Variants in HSPA9 observed in about 807,000 individuals in gnomAD.
The protein encoded by HSPA9 is stress-70 protein, mitochondrial.
A neutral mutation model predicts 81.5 loss-of-function variants in HSPA9; 28 were observed. That is an observed-to-expected ratio of 0.34 (90% CI 0.25 to 0.47). The LOEUF is 0.47. HSPA9 is among the 20% of genes least tolerant of loss of function. The pLI is 1.00. For missense variants in HSPA9, 678 were observed against 838.0 expected, an observed-to-expected ratio of 0.81 and a Z score of 2.36; for synonymous variants, 293 against 290.4, an observed-to-expected ratio of 1.01 and a Z score of -0.09.
rs752536151 is a variant in HSPA9, at chr5:138,558,594, C to G, written c.1474G>C (p.Glu492Gln). Residue 492 changes from glutamate (E) to glutamine (Q), a missense_variant, in exon 12 of 17, where the codon GAG becomes CAG. Glu to Gln is a conservative substitution (Grantham distance 29). Around this residue, in one of 4 missense-constraint regions of HSPA9, gnomAD observed 484 missense variants for 647.5 expected, o/e 0.75. Transcript: ENST00000297185. Reference sequence around the variant, plus strand: ...AGGAGTTTGTTGTCTCCAGCCATCTCTCTTTCACCCTGACACACTTTAATT... The same window carrying G: ...AGGAGTTTGTTGTCTCCAGCCATCTGTCTTTCACCCTGACACACTTTAATT... ...VEIKVCQGER[E>Q]MAGDNKLLGQ... 25 of 1,613,766 alleles carry G rather than the reference C, an allele frequency of 1.5e-5. No homozygotes were observed. Among genetic ancestry groups the G allele is most frequent in the Non-Finnish European group, 2.1e-5 (25 of 1,179,774 alleles).
intron 11 of HSPA9, 92 bp downstream of exon 11, chr5:138,559,772 G>T: frequency 1.2e-6 from 1 of 846,596 alleles, no homozygotes; most frequent in African/African-American, 1.7e-5. Flanking sequence ...TAAAAATGAA[G>T]TTTTCTAGAA....
chr5:138,565,591 T>C (rs1236976263), intron 9 of HSPA9, among the ~76,000 whole-genome samples: 1 of 152,214 alleles, frequency 6.6e-6, no homozygotes, highest in African/African-American at 2.4e-5. Context: ...CTATTCTTGG[T>C]GGTGAAGACA....
At chr5:138,561,828 CCAA>C (rs775839771) in intron 9 of HSPA9, 39 bp from the exon 10 acceptor site, 1 of 1,461,444 alleles carries the variant, frequency 6.8e-7, no homozygotes, top group Non-Finnish European at 9.6e-7. Flanking sequence ...AGCGAGCAGG[CCAA>C]ATGACGGTTA....
rs1480992701 is a variant in HSPA9 at position 138,561,858 on chromosome 5, T to C, written c.973-69A>G. On this transcript the variant is annotated intron_variant, in intron 9 of 16. Transcript: ENST00000297185. ...TGACGGTTACATTTATTATTTCAAC[T>C]AAAATATGACCATGCCCTAGGACAG... 3.0e-5 allele frequency: 36 copies of C among 1,211,622 alleles called. No individual in the cohort carries two copies. In the Admixed American group the frequency reaches 6.1e-4, roughly 20 times the overall value. 75.1% of individuals were successfully genotyped at this position (1,211,622 alleles called of 1,614,324 possible). A position where few individuals can be genotyped will look rare whatever the true frequency, so the allele number is the denominator to read the frequency against.
intron 5 of HSPA9, among the ~76,000 whole-genome samples, chr5:138,568,226 G>A (rs1750807838): frequency 6.6e-6 from 1 of 152,002 alleles, no homozygotes; most frequent in Non-Finnish European, 1.5e-5. Flanking sequence ...GCCAGGCACG[G>A]TGGCTCATGC....
In HSPA9 at chr5:138,554,530, A is replaced by C. The variant is rs1030753632; in HGVS notation, c.*1507T>G. On this transcript the variant is annotated 3_prime_UTR_variant, in exon 17 of 17. Transcript: ENST00000297185. ...TTACATGGGTGTTAACAAGCACTGA[A>C]TCTTCCAAAAATGTTGTCTAAATCA... Among the ~76,000 whole-genome samples the C allele has an allele frequency of 6.6e-6, 1 of 152,260 alleles. No individual in the cohort carries two copies. The highest frequency in any genetic ancestry group is 6.5e-5 in the Admixed American group (1 of 15,290).
rs772628480 is a variant in HSPA9, at chr5:138,569,044, T to A, written c.416A>T (p.Asn139Ile). ...GGCACGGACAATTTTAAAGGGAACA[T>A]TTTTACTGTAAGACACAAAAATTCT... ...DDPEVQKDIK[N>I]VPFKIVRASN... Residue 139 changes from asparagine (N) to isoleucine (I), a missense_variant, in exon 5 of 17, where the codon AAT (asparagine) becomes ATT (isoleucine). Around this residue, in one of 4 missense-constraint regions of HSPA9, gnomAD observed 484 missense variants for 647.5 expected, o/e 0.75. Coordinates refer to ENST00000297185, the MANE Select transcript of HSPA9 (RefSeq NM_004134.7). The A allele has an allele frequency of 1.2e-6, 2 of 1,613,642 alleles. No homozygotes were observed. The highest frequency in any genetic ancestry group is 4.5e-5 in the East Asian group (2 of 44,872).
At chr5:138,560,633 T>G (rs908229673) in intron 10 of HSPA9, 1 of 198,634 alleles carries the variant, frequency 5.0e-6, no homozygotes, top group Non-Finnish European at 1.1e-5. Context: ...CAATCTCCAC[T>G]CACCGCAAGC....
rs41295715 is a variant in HSPA9, at chr5:138,568,877, G to T, written c.535+48C>A. The T allele has an allele frequency of 5.3e-3, 8,524 of 1,600,492 alleles. 35 individuals are homozygous for T. Among genetic ancestry groups the T allele is most frequent in the Admixed American group, 0.018 (1,108 of 59,898 alleles). ...GCACAGGGAGCTAGTGATCTCACAG[G>T]AATCATTGTTCTTAGAACTTTCCCA... On this transcript the variant is annotated intron_variant, in intron 5 of 16. Transcript: ENST00000297185.
At chr5:138,568,850 G>C (rs1263502848) in intron 5 of HSPA9, 75 bp downstream of exon 5, 4 of 1,494,814 alleles carry the variant, frequency 2.7e-6, no homozygotes, top group Admixed American at 1.7e-5. Context: ...ACAGGAGCTG[G>C]AGCACAGGGA....
intron 4 of HSPA9, among the ~76,000 whole-genome samples, chr5:138,569,751 TG>T (rs1561861024): frequency 6.6e-6 from 1 of 152,176 alleles, no homozygotes; most frequent in African/African-American, 2.4e-5. Context: ...CACACAGTCT[TG>T]CCTTGTTGGC....
intron 12 of HSPA9, 67 bp downstream of exon 12, chr5:138,558,486 A>T: frequency 9.4e-7 from 1 of 1,068,452 alleles, no homozygotes; most frequent in Non-Finnish European, 1.5e-6. Flanking sequence ...TAATATTTTT[A>T]TGGCTTAGAA....
intron 16 of HSPA9, 68 bp from the exon 17 acceptor site, chr5:138,556,182 C>T (rs1750516410): frequency 7.5e-7 from 1 of 1,328,812 alleles, no homozygotes; most frequent in Admixed American, 1.7e-5. Flanking sequence ...CTTTGTTGCA[C>T]TCCAAGATGA....
At chr5:138,571,930 G>A (rs1416275077) in intron 3 of HSPA9, among the ~76,000 whole-genome samples, 4 of 143,658 alleles carry the variant, frequency 2.8e-5, no homozygotes, top group African/African-American at 5.2e-5. Context: ...CCAAAATGCT[G>A]GGATTACAGG....
chr5:138,573,096 T>C (rs911385807), intron 3 of HSPA9, among the ~76,000 whole-genome samples: 2 of 152,158 alleles, frequency 1.3e-5, no homozygotes, highest in Non-Finnish European at 2.9e-5. Flanking sequence ...GGTTTCACCA[T>C]GTTGGCCAGA....
In HSPA9 at chr5:138,563,935, C is replaced by T. The variant is rs58487224; in HGVS notation, c.973-2146G>A. On this transcript the variant is annotated intron_variant, in intron 9 of 16. Coordinates refer to ENST00000297185, the MANE Select transcript of HSPA9 (RefSeq NM_004134.7). The stretch of plus-strand genomic sequence containing the variant: ...CAACCGACCCCAATCTTCACTCTGC[C>T]CTTTTGGCCACTCTGGCCCTTTCTC... Among the ~76,000 whole-genome samples the T allele has an allele frequency of 5.3e-5, 8 of 152,320 alleles. No homozygotes were observed. In the East Asian group the frequency reaches 1.4e-3, roughly 26 times the overall value.
At chr5:138,574,557 G>A (rs908215649) in intron 1 of HSPA9, among the ~76,000 whole-genome samples, 3 of 152,128 alleles carry the variant, frequency 2.0e-5, no homozygotes, top group African/African-American at 7.2e-5. Context: ...GTCTTTGAAA[G>A]AAAAAAGAAA....
intron 14 of HSPA9, chr5:138,557,091 G>C (rs919000836): frequency 1.6e-6 from 1 of 612,924 alleles, no homozygotes; most frequent in Admixed American, 2.8e-5. Context: ...AAATAATAAA[G>C]GCACTGCAAA....
chr5:138,557,045 T>G (rs140164666), intron 14 of HSPA9, 179 bp from the exon 15 acceptor site: 1 of 652,642 alleles, frequency 1.5e-6, no homozygotes, highest in African/African-American at 1.8e-5. Context: ...TGGGCTAGAT[T>G]TTGTAACATC....
Sources: gnomAD v4.1 joint callset for allele counts (sites outside exome capture counted in the v4.1 genomes callset) on GRCh38, gnomAD v4.1.1 for gene constraint, gnomAD v4.1.1 regional missense constraint, MANE v1.5 for transcripts, NCBI Gene and HGNC (gene_info 2026-07-23, HGNC 2026-07-21) for gene names.